Variants in RAB3C observed in about 807,000 individuals in gnomAD.
RAB3C encodes the protein ras-related protein Rab-3C.
RAB3C carries 17 observed loss-of-function variants against 26.4 expected under a neutral mutation model. The ratio of observed to expected loss-of-function variants is 0.64; its 90% CI spans 0.44 to 0.97. The LOEUF (loss-of-function observed/expected upper bound fraction) is 0.97, where lower values mean the gene tolerates loss of function less well. Ranked by LOEUF, RAB3C falls within the 50% of genes least tolerant of loss-of-function variation. The pLI, the probability that RAB3C is intolerant of heterozygous loss-of-function variation, is 0.00. For missense variants in RAB3C, 242 were observed against 281.9 expected (o/e 0.86, Z 1.01); for synonymous variants, 91 against 95.9 (o/e 0.95, Z 0.30).
intron 3 of RAB3C, among the ~76,000 whole-genome samples, chr5:58,759,183 G>A (rs903991670): frequency 6.6e-6 from 1 of 152,234 alleles, no homozygotes; most frequent in Non-Finnish European, 1.5e-5. Context: ...GCAAGATACT[G>A]TAGTCAGTGT....
chr5:58,696,621 G>T (rs1350417573), intron 2 of RAB3C, among the ~76,000 whole-genome samples: 1 of 152,162 alleles, frequency 6.6e-6, no homozygotes, highest in African/African-American at 2.4e-5. Flanking sequence ...TCTATTCAGA[G>T]ATTAAACTTC....
At chr5:58,597,092 T>C (rs532298660) in intron 1 of RAB3C, among the ~76,000 whole-genome samples, 3 of 33,036 alleles carry the variant, frequency 9.1e-5, no homozygotes, top group African/African-American at 2.0e-4. Flanking sequence ...ATATAATACA[T>C]AATATATATT....
intron 1 of RAB3C, among the ~76,000 whole-genome samples, chr5:58,583,646 A>G (rs1430096038): frequency 6.6e-6 from 1 of 152,196 alleles, no homozygotes; most frequent in African/African-American, 2.4e-5. Context: ...TGGAGTCGGC[A>G]TAGAGCGAAT....
Position 58,745,392 on chromosome 5 carries a change from CAA to C in RAB3C, c.371+19298_371+19299del, listed in dbSNP as rs1173604247. Among the ~76,000 whole-genome samples, 26 of 33,108 alleles carry C rather than the reference CAA, an allele frequency of 7.9e-4. No individual in the cohort carries two copies. In the South Asian group the frequency reaches 0.013, roughly 17 times the overall value. 21.7% of individuals were successfully genotyped at this position (33,108 alleles called of 152,430 possible). On this transcript the variant is annotated intron_variant, in intron 3 of 4. Coordinates refer to ENST00000282878, the MANE Select transcript of RAB3C (RefSeq NM_138453.4). The stretch of plus-strand genomic sequence containing the variant: ...GCCTGGGCTGAGCGAGACTCTGCTT[CAA>C]AAAAAAAAAAAAAAAAAAAAAAAAA...
intron 2 of RAB3C, among the ~76,000 whole-genome samples, chr5:58,713,257 T>C (rs914563501): frequency 2.0e-5 from 3 of 152,184 alleles, no homozygotes; most frequent in Admixed American, 6.5e-5. Context: ...CAGCTGCTAC[T>C]AGTTGTAGTC....
intron 2 of RAB3C, among the ~76,000 whole-genome samples, chr5:58,635,022 A>G (rs1203458314): frequency 6.6e-6 from 1 of 152,196 alleles, no homozygotes; most frequent in African/African-American, 2.4e-5. Context: ...GCATTATTGA[A>G]TTCAATTAAC....
chr5:58,613,253 AAC>A (rs1345157052), intron 1 of RAB3C, among the ~76,000 whole-genome samples: 1 of 152,162 alleles, frequency 6.6e-6, no homozygotes, highest in African/African-American at 2.4e-5. Flanking sequence ...CTGGAGCAAC[AAC>A]ACAGTGGCTT....
At chr5:58,684,254 G>A (rs574874160) in intron 2 of RAB3C, among the ~76,000 whole-genome samples, 4 of 152,272 alleles carry the variant, frequency 2.6e-5, no homozygotes, top group African/African-American at 7.2e-5. Flanking sequence ...AGTTATATGC[G>A]AATACTATGC....
chr5:58,652,787 G>A (rs1236177005), intron 2 of RAB3C, among the ~76,000 whole-genome samples: 15 of 151,192 alleles, frequency 9.9e-5, no homozygotes, highest in Admixed American at 9.9e-4. Context: ...TTTAATTACT[G>A]TAGCTTTATA....
intron 2 of RAB3C, among the ~76,000 whole-genome samples, chr5:58,719,322 G>A (rs533813458): frequency 6.6e-6 from 1 of 152,132 alleles, no homozygotes; most frequent in South Asian, 2.1e-4. Flanking sequence ...TAAGTTAAAT[G>A]TAGAACATGG....
At chr5:58,745,534 C>T (rs532358577) in intron 3 of RAB3C, among the ~76,000 whole-genome samples, 10 of 151,556 alleles carry the variant, frequency 6.6e-5, no homozygotes, top group Middle Eastern at 3.4e-3. Flanking sequence ...TCCATCAGAA[C>T]AAAGGGCTCC....
At chr5:58,800,805 A>G (rs965842553) in intron 3 of RAB3C, among the ~76,000 whole-genome samples, 3 of 152,172 alleles carry the variant, frequency 2.0e-5, no homozygotes, top group Admixed American at 6.5e-5. Context: ...CAGAGTGACC[A>G]TTGGTGAATC....
At chr5:58,613,115 A>G (rs1317438518) in intron 1 of RAB3C, among the ~76,000 whole-genome samples, 2 of 152,132 alleles carry the variant, frequency 1.3e-5, no homozygotes, top group Non-Finnish European at 2.9e-5. Flanking sequence ...CTGTGGTTAC[A>G]TGTTTTAATC....
chr5:58,835,252 C>A (rs994082629), intron 4 of RAB3C, among the ~76,000 whole-genome samples: 1 of 152,156 alleles, frequency 6.6e-6, no homozygotes, highest in South Asian at 2.1e-4. Context: ...GAGACTCTGG[C>A]ACATCGCTAT....
chr5:58,819,417 G>T lies in RAB3C; in HGVS notation c.372-5621G>T, dbSNP rs565103206. ...CAGTGTAGACAAAATATGCATAACT[G>T]TGGGTCTTTCTCAACTCATGGAGTT... On this transcript the variant is annotated intron_variant, in intron 3 of 4. Coordinates refer to ENST00000282878, the MANE Select transcript of RAB3C (RefSeq NM_138453.4). Among the ~76,000 whole-genome samples, 124 of 152,254 alleles carry T rather than the reference G, an allele frequency of 8.1e-4. 1 individual carries two copies. Among genetic ancestry groups the T allele is most frequent in the African/African-American group, 2.7e-3 (113 of 41,542 alleles).
At chr5:58,674,519 T>C (rs968844402) in intron 2 of RAB3C, among the ~76,000 whole-genome samples, 2 of 152,222 alleles carry the variant, frequency 1.3e-5, no homozygotes, top group African/African-American at 4.8e-5. Context: ...CAAGAAATCA[T>C]GTTTCCTGCT....
At chr5:58,638,792 T>C (rs1747345477) in intron 2 of RAB3C, among the ~76,000 whole-genome samples, 1 of 152,260 alleles carries the variant, frequency 6.6e-6, no homozygotes, top group Admixed American at 6.5e-5. Context: ...CACTAGGAAA[T>C]GATCTTTCTT....
At chr5:58,712,403 T>G (rs1749078306) in intron 2 of RAB3C, among the ~76,000 whole-genome samples, 1 of 152,232 alleles carries the variant, frequency 6.6e-6, no homozygotes, top group African/African-American at 2.4e-5. Context: ...ACATAATTTT[T>G]GCTTTGTATC....
chr5:58,588,854 A>G (rs1308798163), intron 1 of RAB3C, among the ~76,000 whole-genome samples: 2 of 152,150 alleles, frequency 1.3e-5, no homozygotes, highest in Non-Finnish European at 2.9e-5. Context: ...TATTATTTAC[A>G]AATAGAGATA....
Sources: allele counts gnomAD v4.1 joint callset (sites outside exome capture counted in the v4.1 genomes callset), GRCh38; gene constraint gnomAD v4.1.1; transcripts MANE v1.5; gene names NCBI Gene and HGNC (gene_info 2026-07-23, HGNC 2026-07-21).